SLC9A7: variants seen among roughly 807,000 people sequenced by gnomAD.
The protein encoded by SLC9A7 is sodium/hydrogen exchanger 7.
In SLC9A7, 19 loss-of-function variants were observed where a neutral mutation model predicts 52.6. The ratio of observed to expected loss-of-function variants is 0.36; its 90% CI spans 0.25 to 0.53. SLC9A7 has a LOEUF of 0.53. SLC9A7 is among the 20% of genes least tolerant of loss of function. The probability of loss-of-function intolerance (pLI) is 0.91; values close to 1 mark genes in which losing one functional copy is unlikely to be tolerated. For missense variants in SLC9A7, 455 were observed against 597.9 expected (o/e 0.76, Z 2.49); for synonymous variants, 226 against 252.1 (o/e 0.90, Z 0.98).
chrX:46,724,345 C>T (rs2146964258), intron 1 of SLC9A7, among the ~76,000 whole-genome samples: 1 of 111,415 alleles, frequency 9.0e-6, no homozygotes, highest in South Asian at 3.8e-4. Flanking sequence ...AATGGTAGAC[C>T]CAGGGCCCAA....
chrX:46,665,963 A>G (rs1018434791), intron 5 of SLC9A7, among the ~76,000 whole-genome samples: 1 of 112,065 alleles, frequency 8.9e-6, no homozygotes, highest in African/African-American at 3.2e-5. Flanking sequence ...GTCACAGTGC[A>G]GCCTACACTA....
intron 1 of SLC9A7, among the ~76,000 whole-genome samples, chrX:46,750,207 T>A (rs1382331426): frequency 8.9e-6 from 1 of 111,867 alleles, no homozygotes; most frequent in Non-Finnish European, 1.9e-5. Flanking sequence ...CCTGGCCAAA[T>A]ACATCCTCAG....
At chrX:46,698,842 A>C (rs1016055730) in intron 1 of SLC9A7, among the ~76,000 whole-genome samples, 4 of 112,001 alleles carry the variant, frequency 3.6e-5, no homozygotes, top group Non-Finnish European at 7.5e-5. Context: ...AAAAGGGCTC[A>C]GAATCTGGAG....
At chrX:46,651,734 G>A (rs1943584461) in intron 8 of SLC9A7, among the ~76,000 whole-genome samples, 1 of 108,113 alleles carries the variant, frequency 9.2e-6, no homozygotes, top group Non-Finnish European at 1.9e-5. Context: ...AGGCTGAGGT[G>A]AGAGGATCGC....
rs969200223 is a variant in SLC9A7, at chrX:46,668,976, G to A, written c.793+631C>T. On this transcript the variant is annotated intron_variant, in intron 5 of 16. Coordinates refer to ENST00000616978, the MANE Select transcript of SLC9A7 (RefSeq NM_001257291.2). ...AAGTCAGGAGATCGAGACCATCCTG[G>A]CTAACACGGTGAAACCCTGTCTCTA... Among the ~76,000 whole-genome samples, 3 of 110,164 alleles carry A rather than the reference G, an allele frequency of 2.7e-5. No individual in the cohort carries two copies. The East Asian group carries it at 8.5e-4, about 31-fold the overall frequency.
chrX:46,599,493 T>C lies in SLC9A7; in HGVS notation c.*7459A>G, dbSNP rs765308492. 1 of 112,410 alleles carries C rather than the reference T, an allele frequency of 8.9e-6. No homozygotes were observed. The highest frequency in any genetic ancestry group is 3.2e-5 in the African/African-American group (1 of 30,979). 9.3% of individuals were successfully genotyped at this position (112,410 alleles called of 1,213,427 possible). A position where few individuals can be genotyped will look rare whatever the true frequency, so the allele number is the denominator to read the frequency against. ...AGCTCAGCCAGTTAGTTGTTTTATT[T>C]TGAGTTTTGTTTTTTTAAAAAAAGA... On this transcript the variant is annotated 3_prime_UTR_variant, in exon 17 of 17. Transcript: ENST00000616978.
Position 46,674,919 on chromosome X carries a change from C to T in SLC9A7, c.604-2292G>A, listed in dbSNP as rs114225745. Among the ~76,000 whole-genome samples, 938 of 111,421 alleles carry T rather than the reference C, an allele frequency of 8.4e-3. 11 individuals are homozygous for T. Among genetic ancestry groups the T allele is most frequent in the South Asian group, 0.038 (100 of 2,642 alleles). ...TGAAAATCTACCTGATATCCCAATT[C>T]CTAGCTGTACCATTCTAAGCCTCAC... On this transcript the variant is annotated intron_variant, in intron 3 of 16. Transcript: ENST00000616978.
intron 13 of SLC9A7, among the ~76,000 whole-genome samples, chrX:46,634,118 C>A (rs1048840485): frequency 1.8e-5 from 2 of 112,036 alleles, no homozygotes; most frequent in Admixed American, 9.4e-5. Flanking sequence ...GACACTGGAA[C>A]TTTTTTATGC....
chrX:46,628,396 G>GT (rs1482529510), intron 14 of SLC9A7, among the ~76,000 whole-genome samples: 2 of 112,105 alleles, frequency 1.8e-5, no homozygotes, highest in Non-Finnish European at 3.8e-5. Context: ...TTTGTTTTTT[G>GT]TTTTTTGTTT....
chrX:46,697,403 G>T (rs1024126779), intron 1 of SLC9A7, among the ~76,000 whole-genome samples: 2 of 112,184 alleles, frequency 1.8e-5, no homozygotes, highest in South Asian at 3.7e-4. Context: ...ACCCCAAACA[G>T]AGGGACCAGC....
intron 1 of SLC9A7, among the ~76,000 whole-genome samples, chrX:46,747,735 A>G (rs911507211): frequency 2.7e-5 from 3 of 112,259 alleles, no homozygotes; most frequent in African/African-American, 9.7e-5. Context: ...AAGAATTTGA[A>G]TAGACATTTC....
chrX:46,754,791 G>A (rs1556290906), intron 1 of SLC9A7, among the ~76,000 whole-genome samples: 2 of 112,472 alleles, frequency 1.8e-5, no homozygotes, highest in Non-Finnish European at 3.8e-5. Context: ...TATGGGGGAA[G>A]TGGAACTACC....
At chrX:46,688,793 T>G (rs1188171677) in intron 1 of SLC9A7, among the ~76,000 whole-genome samples, 1 of 110,214 alleles carries the variant, frequency 9.1e-6, no homozygotes, top group Non-Finnish European at 1.9e-5. Context: ...TTTGGTGAAA[T>G]GTCTCGTCAT....
Position 46,682,460 on chromosome X carries a change from T to C in SLC9A7, c.401A>G (p.Gln134Arg). The C allele has an allele frequency of 1.7e-6, 2 of 1,211,176 alleles. No individual in the cohort carries two copies. The highest frequency in any genetic ancestry group is 2.2e-6 in the Non-Finnish European group (2 of 895,193). Residue 134 changes from glutamine to arginine, a missense_variant, in exon 2 of 17, where the codon CAG becomes CGG. Gln to Arg is a conservative substitution (Grantham distance 43). Transcript: ENST00000616978. ...SGRDKSLSCT[Q>R]EDRAFSTLLV... ...TAAGGTACTGAAGGCCCTGTCTTCCTGAGTGCAGCTGAGTGATTTGTCACG... is the reference window on the plus strand; with the variant it reads ...TAAGGTACTGAAGGCCCTGTCTTCCCGAGTGCAGCTGAGTGATTTGTCACG...
At chrX:46,633,083 A>T (rs1460631957) in intron 13 of SLC9A7, among the ~76,000 whole-genome samples, 4 of 108,858 alleles carry the variant, frequency 3.7e-5, no homozygotes, top group Non-Finnish European at 7.6e-5. Context: ...GAAAGAAAAA[A>T]GATGCCAGGA....
Position 46,710,456 on chromosome X carries a change from T to A in SLC9A7, c.326-27921A>T, listed in dbSNP as rs373898971. Among the ~76,000 whole-genome samples, 8 of 111,909 alleles carry A rather than the reference T, an allele frequency of 7.1e-5. No homozygotes were observed. In the East Asian group the frequency reaches 2.0e-3, roughly 27 times the overall value. On this transcript the variant is annotated intron_variant, in intron 1 of 16. Coordinates refer to ENST00000616978, the MANE Select transcript of SLC9A7 (RefSeq NM_001257291.2). ...GCCAGCAAAATTGTCATATGTTGGA[T>A]GTAACTGGCAAATTGAGGGAGTAAA... is the stretch of plus-strand genomic sequence containing the variant.
At position 46,643,316 on chromosome X, in the gene SLC9A7, C is replaced by T. The variant is rs1378898311; in HGVS notation, c.1536G>A (p.Thr512=). 5 of 1,209,068 alleles carry T rather than the reference C, an allele frequency of 4.1e-6. No individual in the cohort carries two copies. The highest frequency in any genetic ancestry group is 3.0e-5 in the East Asian group (1 of 33,784). The part of the protein sequence containing the change: ...TASYARQMMF[T]TTLLIVFFTV... Reference sequence around the variant, plus strand: ...TGAAGAACACAATGAGAAGGGTGGTCGTGAACATCATCTGGCGAGCATAGG... The same window carrying T: ...TGAAGAACACAATGAGAAGGGTGGTTGTGAACATCATCTGGCGAGCATAGG... The change falls in exon 12 of 17, where the codon ACG becomes ACA. Residue 512 remains threonine, a synonymous_variant. Transcript: ENST00000616978.
intron 14 of SLC9A7, among the ~76,000 whole-genome samples, chrX:46,631,033 A>G (rs1350337668): frequency 8.9e-6 from 1 of 112,207 alleles, no homozygotes; most frequent in African/African-American, 3.2e-5. Context: ...CAGACATATG[A>G]GTAAATGAAC....
At chrX:46,726,817 C>T (rs1944952288) in intron 1 of SLC9A7, among the ~76,000 whole-genome samples, 1 of 111,613 alleles carries the variant, frequency 9.0e-6, no homozygotes, top group Admixed American at 9.5e-5. Context: ...ACACAGGTCA[C>T]GTATGACTGC....
Sources: gnomAD v4.1 joint callset for allele counts (sites outside exome capture counted in the v4.1 genomes callset) on GRCh38, gnomAD v4.1.1 for gene constraint, MANE v1.5 for transcripts, NCBI Gene and HGNC (gene_info 2026-07-23, HGNC 2026-07-21) for gene names.